Variants in CUX1 observed in about 807,000 individuals in gnomAD.
CUX1 encodes cut like homeobox 1.
A neutral mutation model predicts 158.8 loss-of-function variants in CUX1; 31 were observed. The ratio of observed to expected loss-of-function variants is 0.20; its 90% confidence interval spans 0.15 to 0.26. The LOEUF (loss-of-function observed/expected upper bound fraction) is 0.26. Among genes scored for constraint, CUX1 ranks in the 10% least tolerant of loss-of-function variants. The pLI is 1.00. For synonymous variants in CUX1, 879 were observed against 862.1 expected (o/e 1.02, Z -0.34); for missense variants, 1,589 against 2,014.6 (o/e 0.79, Z 4.04).
At chr7:102,238,432 C>G (rs1799826952) in intron 22 of CUX1, among the ~76,000 whole-genome samples, 1 of 152,152 alleles carries the variant, frequency 6.6e-6, no homozygotes, top group African/African-American at 2.4e-5. Flanking sequence ...TCTCCTATCT[C>G]TGTATGGCCT....
At chr7:102,278,208 C>A in intron 18 of CUX1, 1 of 516,318 alleles carries the variant, frequency 1.9e-6, no homozygotes. Flanking sequence ...TCCGACATCT[C>A]CCCACCCACC....
chr7:101,970,924 T>C (rs901720658), intron 2 of CUX1, among the ~76,000 whole-genome samples: 11 of 152,192 alleles, frequency 7.2e-5, no homozygotes, highest in African/African-American at 2.7e-4. Context: ...AGAGGCATCC[T>C]GGTTGTCTGG....
intron 8 of CUX1, among the ~76,000 whole-genome samples, chr7:102,117,432 G>A (rs546111266): frequency 7.4e-6 from 1 of 135,460 alleles, no homozygotes; most frequent in South Asian, 2.3e-4. Context: ...TCAATATTGG[G>A]CCTATTTGCA....
upstream of CUX1, among the ~76,000 whole-genome samples, chr7:101,816,405 G>GCGCCGCCGCCGCCGCCAGCGC (rs1392990684): frequency 7.0e-6 from 1 of 141,992 alleles, no homozygotes; most frequent in Non-Finnish European, 1.6e-5. Context: ...CCCGGGCCCC[G>GCGCCGCCGCCGCCGCCAGCGC]CGCCGCCGCC....
chr7:102,249,289 C>CCCCGCGGCCCAGACCCAG lies in CUX1; in HGVS notation c.*257_*274dup. Reference sequence around the variant, plus strand: ...GGGCCGACCCTGCGGCCTCCACCAACCCCGCGGCCCAGACCCAGCCCGCGG... The same window carrying CCCCGCGGCCCAGACCCAG: ...GGGCCGACCCTGCGGCCTCCACCAACCCCGCGGCCCAGACCCAGCCCGCGGCCCAGACCCAGCCCGCGG... On this transcript the variant is annotated 3_prime_UTR_variant, in exon 24 of 24. Coordinates refer to ENST00000292535, the MANE Select transcript of CUX1 (RefSeq NM_181552.4). 1 of 1,042,634 alleles carries CCCCGCGGCCCAGACCCAG rather than the reference C, an allele frequency of 9.6e-7. No homozygotes were observed. The highest frequency in any genetic ancestry group is 4.6e-5 in the South Asian group (1 of 21,800). The allele number at this position is 1,042,634 out of a possible 1,614,324, so 64.6% of individuals were successfully genotyped here.
intron 2 of CUX1, among the ~76,000 whole-genome samples, chr7:101,955,727 C>T (rs1176406949): frequency 2.0e-5 from 3 of 152,142 alleles, no homozygotes; most frequent in Non-Finnish European, 4.4e-5. Flanking sequence ...TCTCCACTAA[C>T]GGGAAATCAG....
chr7:101,834,010 C>CGTGCCTT (rs1794352759), intron 1 of CUX1, among the ~76,000 whole-genome samples: 1 of 152,030 alleles, frequency 6.6e-6, no homozygotes, highest in African/African-American at 2.4e-5. Flanking sequence ...TGTGCAGCCA[C>CGTGCCTT]GTGCCTTTCC....
rs543108943 is a variant in CUX1 at position 101,859,890 on chromosome 7, T to C, written c.30+42221T>C. On this transcript the variant is annotated intron_variant, in intron 1 of 23. Transcript: ENST00000292535. The stretch of plus-strand genomic sequence containing the variant: ...CTTTCTTTTCTTTCTTCTCTTTCTT[T>C]CTCTTTTCTTGGCTTATTTCCTTCT... 3.3e-5 allele frequency among the ~76,000 whole-genome samples: 5 copies of C among 152,088 alleles called. No homozygotes were observed. The South Asian group carries it at 1.0e-3, about 32-fold the overall frequency.
chr7:102,185,629 G>A (rs1383835661), intron 11 of CUX1, among the ~76,000 whole-genome samples: 3 of 149,608 alleles, frequency 2.0e-5, no homozygotes, highest in Non-Finnish European at 4.4e-5. Context: ...TGGTAGAGAC[G>A]GGGTCTTGCT....
intron 3 of CUX1, among the ~76,000 whole-genome samples, chr7:102,066,572 G>C (rs1011201346): frequency 6.6e-6 from 1 of 152,104 alleles, no homozygotes; most frequent in East Asian, 1.9e-4. Flanking sequence ...GCAGCCACCC[G>C]GTACCCTGAG....
At position 102,112,242 on chromosome 7, in the gene CUX1, C is replaced by CT. The variant is rs1267673413; in HGVS notation, c.607+485dup. Among the ~76,000 whole-genome samples, 560 of 100,736 alleles carry CT rather than the reference C, an allele frequency of 5.6e-3. 3 individuals are homozygous for CT. Among genetic ancestry groups the CT allele is most frequent in the Middle Eastern group, 0.015 (3 of 204 alleles). 66.1% of individuals were successfully genotyped at this position (100,736 alleles called of 152,430 possible). ...TATCTTTAAACTTCTTTCTCTCTCTCTTTTTTTTTTTTTTTTTGAGACGGA... is the reference window on the plus strand; with the variant it reads ...TATCTTTAAACTTCTTTCTCTCTCTCTTTTTTTTTTTTTTTTTTGAGACGGA... On this transcript the variant is annotated intron_variant, in intron 7 of 23. Coordinates refer to ENST00000292535, the MANE Select transcript of CUX1 (RefSeq NM_181552.4).
chr7:102,132,290 A>G, intron 8 of CUX1, among the ~76,000 whole-genome samples: 1 of 86,380 alleles, frequency 1.2e-5, no homozygotes, highest in Admixed American at 1.3e-4. Flanking sequence ...TATGAGAGAG[A>G]GAGTGTGTGT....
chr7:101,983,852 G>C (rs945740762), intron 2 of CUX1, among the ~76,000 whole-genome samples: 2 of 151,928 alleles, frequency 1.3e-5, no homozygotes, highest in Non-Finnish European at 2.9e-5. Context: ...CAACACTGGG[G>C]ATCACATTTC....
intron 2 of CUX1, among the ~76,000 whole-genome samples, chr7:101,918,826 A>C (rs906122338): frequency 6.6e-6 from 1 of 152,188 alleles, no homozygotes; most frequent in African/African-American, 2.4e-5. Context: ...CCAATCGCTC[A>C]GGTTGGAGTG....
chr7:101,896,548 C>T (rs1801540275), intron 1 of CUX1, among the ~76,000 whole-genome samples: 1 of 152,122 alleles, frequency 6.6e-6, no homozygotes. Context: ...TCAGCTCCAA[C>T]TAGACTCTGG....
intron 1 of CUX1, among the ~76,000 whole-genome samples, chr7:101,820,943 C>G (rs991517018): frequency 3.3e-5 from 5 of 152,280 alleles, no homozygotes; most frequent in African/African-American, 1.2e-4. Context: ...GGCCCCACAG[C>G]CTCTCCTTAT....
At position 101,999,626 on chromosome 7, in the gene CUX1, C is replaced by T. The variant is rs115437067; in HGVS notation, c.142-28472C>T. Among the ~76,000 whole-genome samples, 516 of 152,290 alleles carry T rather than the reference C, an allele frequency of 3.4e-3. 1 individual carries two copies. Among genetic ancestry groups the T allele is most frequent in the African/African-American group, 0.012 (496 of 41,570 alleles). ...TCTGCTGAGGCTGGTGACAAATTGC[C>T]TGGAAAGACCTCCTGACAGAGGATG... is the stretch of plus-strand genomic sequence containing the variant. On this transcript the variant is annotated intron_variant, in intron 2 of 23. Transcript: ENST00000292535.
At chr7:101,894,069 G>A (rs1801197561) in intron 1 of CUX1, among the ~76,000 whole-genome samples, 1 of 152,218 alleles carries the variant, frequency 6.6e-6, no homozygotes, top group South Asian at 2.1e-4. Flanking sequence ...CCACTGTGTT[G>A]TCTGGGCCCG....
chr7:102,043,062 A>AGCGATTCTCCT (rs1822306126), intron 3 of CUX1, among the ~76,000 whole-genome samples: 1 of 152,138 alleles, frequency 6.6e-6, no homozygotes, highest in South Asian at 2.1e-4. Flanking sequence ...CCTGGGTTCA[A>AGCGATTCTCCT]GCCTCAGCCT....
Sources: allele counts gnomAD v4.1 joint callset (sites outside exome capture counted in the v4.1 genomes callset), GRCh38; gene constraint gnomAD v4.1.1; transcripts MANE v1.5; gene names NCBI Gene and HGNC (gene_info 2026-07-23, HGNC 2026-07-21).